IL1RAPL1: variants seen among roughly 807,000 people sequenced by gnomAD.
IL1RAPL1 encodes the protein interleukin 1 receptor accessory protein like 1.
A neutral mutation model predicts 48.4 loss-of-function variants in IL1RAPL1; 3 were observed. That is an observed-to-expected ratio of 0.06 (90% CI 0.03 to 0.16). The LOEUF is 0.16. Among genes scored for constraint, IL1RAPL1 ranks in the 10% least tolerant of loss-of-function variants. The pLI is 1.00. For missense variants in IL1RAPL1, 349 were observed against 530.6 expected, an observed-to-expected ratio of 0.66 and a Z score of 3.36; for synonymous variants, 185 against 187.7, an observed-to-expected ratio of 0.99 and a Z score of 0.12.
At chrX:28,975,665 A>G (rs1371384138) in intron 2 of IL1RAPL1, among the ~76,000 whole-genome samples, 1 of 112,413 alleles carries the variant, frequency 8.9e-6, no homozygotes, top group Non-Finnish European at 1.9e-5. Context: ...AATAGAACAT[A>G]TAACAATCCT....
chrX:28,891,610 C>G (rs1922771792), intron 2 of IL1RAPL1, among the ~76,000 whole-genome samples: 1 of 112,252 alleles, frequency 8.9e-6, no homozygotes, highest in African/African-American at 3.2e-5. Context: ...CAAAGTACTT[C>G]TTCCTTTTTT....
chrX:29,708,633 G>C (rs756448973), intron 6 of IL1RAPL1, among the ~76,000 whole-genome samples: 1 of 112,036 alleles, frequency 8.9e-6, no homozygotes, highest in South Asian at 3.7e-4. Flanking sequence ...TGGACACTTA[G>C]TTTGGTTCCA....
chrX:29,325,442 T>C (rs1468282573), intron 3 of IL1RAPL1, among the ~76,000 whole-genome samples: 1 of 112,387 alleles, frequency 8.9e-6, no homozygotes, highest in Non-Finnish European at 1.9e-5. Context: ...CTCATACTTG[T>C]TTTGGATTCT....
intron 2 of IL1RAPL1, among the ~76,000 whole-genome samples, chrX:29,021,165 A>G (rs1212515366): frequency 1.0e-5 from 1 of 96,739 alleles, no homozygotes; most frequent in African/African-American, 3.8e-5. Flanking sequence ...ATAAGCCGAG[A>G]TGGCGCCACT....
In IL1RAPL1 at chrX:28,942,545, A is replaced by G. The variant is rs2147349681; in HGVS notation, c.82+153120A>G. 1.9e-5 allele frequency: 2 copies of G among 107,818 alleles called. 1 individual carries two copies. Among genetic ancestry groups the G allele is most frequent in the South Asian group, 7.9e-4 (2 of 2,540 alleles). 8.9% of individuals were successfully genotyped at this position (107,818 alleles called of 1,213,427 possible). ...TTTGACTTATTTCACATGGAATCCT[A>G]ACATACGTGGTTGTCTGTTTTTCAT... On this transcript the variant is annotated intron_variant, in intron 2 of 10. Transcript: ENST00000378993.
intron 1 of IL1RAPL1, among the ~76,000 whole-genome samples, chrX:28,610,720 T>A (rs1243291023): frequency 9.0e-6 from 1 of 111,028 alleles, no homozygotes; most frequent in African/African-American, 3.3e-5. Flanking sequence ...CTGAATTAGG[T>A]ATACAGTCCT....
At chrX:29,478,459 T>C (rs1402920685) in intron 5 of IL1RAPL1, among the ~76,000 whole-genome samples, 1 of 111,543 alleles carries the variant, frequency 9.0e-6, no homozygotes, top group Non-Finnish European at 1.9e-5. Flanking sequence ...CTCCCCCTGC[T>C]TCAGCCCTTG....
chrX:28,733,217 G>A (rs1355081083), intron 1 of IL1RAPL1, among the ~76,000 whole-genome samples: 1 of 110,835 alleles, frequency 9.0e-6, no homozygotes, highest in Non-Finnish European at 1.9e-5. Flanking sequence ...TATGAGCAAT[G>A]TTAACAGTAA....
chrX:29,512,150 C>G (rs1048829365), intron 5 of IL1RAPL1, among the ~76,000 whole-genome samples: 2 of 110,103 alleles, frequency 1.8e-5, no homozygotes, highest in Non-Finnish European at 1.9e-5. Context: ...ATTACAAAAT[C>G]GAGTCTTACA....
chrX:29,106,563 T>C (rs1328017897), intron 2 of IL1RAPL1, among the ~76,000 whole-genome samples: 1 of 111,834 alleles, frequency 8.9e-6, no homozygotes, highest in Non-Finnish European at 1.9e-5. Context: ...TACAATGTGA[T>C]TCAATGAAGA....
intron 2 of IL1RAPL1, among the ~76,000 whole-genome samples, chrX:29,069,628 A>AACACACAC (rs56373899): frequency 0.12 from 10,259 of 83,555 alleles, 802 homozygotes; most frequent in Non-Finnish European, 0.18. Flanking sequence ...TTTCCTATAG[A>AACACACAC]ACACACACAC....
intron 1 of IL1RAPL1, among the ~76,000 whole-genome samples, chrX:28,752,014 A>G (rs972245890): frequency 8.9e-6 from 1 of 112,016 alleles, no homozygotes; most frequent in African/African-American, 3.2e-5. Context: ...ATTATGAAAA[A>G]TTGCATTGCT....
intron 5 of IL1RAPL1, among the ~76,000 whole-genome samples, chrX:29,455,188 A>G (rs1008240669): frequency 8.9e-6 from 1 of 111,762 alleles, no homozygotes; most frequent in Non-Finnish European, 1.9e-5. Flanking sequence ...TATGTAACAA[A>G]CCTGCACGTC....
At chrX:28,611,148 A>T (rs1478531930) in intron 1 of IL1RAPL1, among the ~76,000 whole-genome samples, 1 of 111,863 alleles carries the variant, frequency 8.9e-6, no homozygotes, top group Non-Finnish European at 1.9e-5. Flanking sequence ...TCCCCACCAA[A>T]TCTTTGTTGA....
chrX:28,859,465 G>T (rs983645342), intron 2 of IL1RAPL1, among the ~76,000 whole-genome samples: 1 of 110,954 alleles, frequency 9.0e-6, no homozygotes, highest in African/African-American at 3.3e-5. Context: ...TCACCATGTT[G>T]GCGAGGATAG....
intron 3 of IL1RAPL1, among the ~76,000 whole-genome samples, chrX:29,338,778 TTATC>T (rs1314262836): frequency 9.0e-6 from 1 of 111,305 alleles, no homozygotes; most frequent in Admixed American, 9.6e-5. Flanking sequence ...GGTAACTTTA[TTATC>T]TGTGAGGCCC....
intron 6 of IL1RAPL1, among the ~76,000 whole-genome samples, chrX:29,733,748 T>A (rs1927978605): frequency 8.9e-6 from 1 of 112,408 alleles, no homozygotes; most frequent in Non-Finnish European, 1.9e-5. Context: ...TTTCTCAAAG[T>A]TAGTATCATC....
At chrX:29,097,097 A>G (rs1928231733) in intron 2 of IL1RAPL1, among the ~76,000 whole-genome samples, 1 of 111,504 alleles carries the variant, frequency 9.0e-6, no homozygotes, top group African/African-American at 3.3e-5. Context: ...TCCAACATTG[A>G]TATGTTAATT....
At chrX:29,683,238 A>G (rs909107813) in intron 6 of IL1RAPL1, among the ~76,000 whole-genome samples, 1 of 111,869 alleles carries the variant, frequency 8.9e-6, no homozygotes, top group East Asian at 2.8e-4. Flanking sequence ...AGGTAGATGA[A>G]TAGATAGATA....
Sources: gnomAD v4.1 joint callset for allele counts (sites outside exome capture counted in the v4.1 genomes callset) on GRCh38, gnomAD v4.1.1 for gene constraint, MANE v1.5 for transcripts, NCBI Gene and HGNC (gene_info 2026-07-23, HGNC 2026-07-21) for gene names.